C3orf70: variants seen among roughly 807,000 people sequenced by gnomAD.
The protein encoded by C3orf70 is UPF0524 protein C3orf70.
A neutral mutation model predicts 20.7 loss-of-function variants in C3orf70; 15 were observed. That is an observed-to-expected ratio of 0.72 (90% confidence interval 0.48 to 1.11). C3orf70 has a LOEUF of 1.11. C3orf70 is among the 50% of genes most tolerant of loss of function. The pLI is 0.00. For missense variants in C3orf70, 332 were observed against 317.6 expected (o/e 1.05, Z -0.34); for synonymous variants, 161 against 125.7 (o/e 1.28, Z -1.88).
At chr3:185,098,587 C>T (rs1715758164) in intron 1 of C3orf70, among the ~76,000 whole-genome samples, 1 of 152,174 alleles carries the variant, frequency 6.6e-6, no homozygotes, top group South Asian at 2.1e-4. Flanking sequence ...AGGCAGAAAG[C>T]ATCTCCCTTT....
rs114891478 is a variant in C3orf70 at position 185,147,220 on chromosome 3, A to G, written c.196+5408T>C. 5.1e-3 allele frequency among the ~76,000 whole-genome samples: 774 copies of G among 152,088 alleles called. 7 individuals are homozygous for G. Among genetic ancestry groups the G allele is most frequent in the African/African-American group, 0.017 (717 of 41,388 alleles). The stretch of plus-strand genomic sequence containing the variant: ...AACAGAATCTTTTAAGATTTCTTCT[A>G]CAGAAAACTGAGCTTATGTGATATT... On this transcript the variant is annotated intron_variant, in intron 1 of 1. Transcript: ENST00000335012.
intron 1 of C3orf70, among the ~76,000 whole-genome samples, chr3:185,126,078 AAAG>A (rs1293669062): frequency 6.6e-6 from 1 of 152,238 alleles, no homozygotes; most frequent in African/African-American, 2.4e-5. Flanking sequence ...ACTTTTTAAA[AAAG>A]AAAAGGATCA....
intron 1 of C3orf70, among the ~76,000 whole-genome samples, chr3:185,090,448 G>A (rs1715542186): frequency 6.6e-6 from 1 of 152,092 alleles, no homozygotes; most frequent in Admixed American, 6.5e-5. Context: ...GTTGTTAAAT[G>A]TGTGTCCTCC....
intron 1 of C3orf70, among the ~76,000 whole-genome samples, chr3:185,132,066 G>C (rs1256654955): frequency 6.6e-6 from 1 of 152,126 alleles, no homozygotes; most frequent in Non-Finnish European, 1.5e-5. Context: ...CAAGCTATTT[G>C]TTTAGTCTAA....
chr3:185,138,546 C>T (rs983441743), intron 1 of C3orf70, among the ~76,000 whole-genome samples: 7 of 151,916 alleles, frequency 4.6e-5, no homozygotes, highest in African/African-American at 7.3e-5. Flanking sequence ...AATAATTACA[C>T]CTTAATCAAG....
intron 1 of C3orf70, among the ~76,000 whole-genome samples, chr3:185,123,326 TC>T (rs1716344910): frequency 6.6e-6 from 1 of 152,080 alleles, no homozygotes; most frequent in Non-Finnish European, 1.5e-5. Context: ...TTTCTTGAGA[TC>T]TCGGCTCTTT....
chr3:185,104,411 T>C (rs868445265), intron 1 of C3orf70, among the ~76,000 whole-genome samples: 1 of 152,222 alleles, frequency 6.6e-6, no homozygotes, highest in Non-Finnish European at 1.5e-5. Flanking sequence ...TGGAAAACTG[T>C]GTGGCAATTC....
rs1056111290 is a variant in C3orf70 at position 185,080,941 on chromosome 3, G to C, written c.*2066C>G. 1 of 152,126 alleles carries C rather than the reference G, an allele frequency of 6.6e-6. No homozygotes were observed. Among genetic ancestry groups the C allele is most frequent in the African/African-American group, 2.4e-5 (1 of 41,410 alleles). 9.4% of individuals were successfully genotyped at this position (152,126 alleles called of 1,614,324 possible). On this transcript the variant is annotated 3_prime_UTR_variant, in exon 2 of 2. Transcript: ENST00000335012. ...AGCATAGAAAGTTTTAACTCATACT[G>C]TTTGCAAAGGAAAATGTATACTCTG...
intron 1 of C3orf70, among the ~76,000 whole-genome samples, chr3:185,090,773 T>A (rs983479769): frequency 4.6e-5 from 7 of 152,184 alleles, no homozygotes; most frequent in African/African-American, 1.7e-4. Context: ...ATATTTTTTG[T>A]GGCCTGGCCC....
At chr3:185,108,519 C>T (rs1715994446) in intron 1 of C3orf70, among the ~76,000 whole-genome samples, 1 of 152,228 alleles carries the variant, frequency 6.6e-6, no homozygotes, top group South Asian at 2.1e-4. Context: ...TTTTACATCA[C>T]TCACATTAGG....
intron 1 of C3orf70, among the ~76,000 whole-genome samples, chr3:185,090,213 C>T (rs1715537547): frequency 6.6e-6 from 1 of 152,070 alleles, no homozygotes; most frequent in East Asian, 1.9e-4. Context: ...AATTACATAG[C>T]AGATATAATT....
At position 185,152,697 on chromosome 3, in the gene C3orf70, TAGAC is replaced by T. The variant is rs751446765; in HGVS notation, c.123_126del (p.Ile43ValfsTer18). ...TTGCCATGGCTGTGCGTGGCACAGA[TAGAC>T]AGCCCGTCGCACGGCTGGAAGTCGG... On this transcript the variant is annotated frameshift_variant, in exon 1 of 2. Coordinates refer to ENST00000335012, the MANE Select transcript of C3orf70 (RefSeq NM_001025266.3). LOFTEE classifies it high-confidence loss of function. 37 of 1,594,436 alleles carry T rather than the reference TAGAC, an allele frequency of 2.3e-5. No individual in the cohort carries two copies. Among genetic ancestry groups the T allele is most frequent in the Non-Finnish European group, 3.0e-5 (35 of 1,170,904 alleles).
At chr3:185,122,450 G>A (rs781291681) in intron 1 of C3orf70, among the ~76,000 whole-genome samples, 1 of 152,104 alleles carries the variant, frequency 6.6e-6, no homozygotes, top group Non-Finnish European at 1.5e-5. Context: ...CCCTAAAGTC[G>A]AAAGCCCCGA....
In C3orf70 at chr3:185,128,621, T is replaced by C. The variant is rs1464188179; in HGVS notation, c.196+24007A>G. Among the ~76,000 whole-genome samples the C allele has an allele frequency of 3.9e-5, 6 of 152,280 alleles. No individual in the cohort carries two copies. In the South Asian group the frequency reaches 8.3e-4, roughly 21 times the overall value. On this transcript the variant is annotated intron_variant, in intron 1 of 1. Transcript: ENST00000335012. The stretch of plus-strand genomic sequence containing the variant: ...TGAAAATAAATGGATTTGTATCTGA[T>C]TAACCTTGAAGGCTACTTAGTCCAG...
At position 185,082,948 on chromosome 3, in the gene C3orf70, C is replaced by G; in HGVS notation, c.*59G>C. 6.6e-7 allele frequency: 1 copy of G among 1,526,432 alleles called. No homozygotes were observed. The highest frequency in any genetic ancestry group is 1.3e-5 in the South Asian group (1 of 79,304). 94.6% of individuals were successfully genotyped at this position (1,526,432 alleles called of 1,614,324 possible). A position where few individuals can be genotyped will look rare whatever the true frequency, so the allele number is the denominator to read the frequency against. On this transcript the variant is annotated 3_prime_UTR_variant, in exon 2 of 2. Transcript: ENST00000335012. The stretch of plus-strand genomic sequence containing the variant: ...CAACAGCATTGGAAAAAAGGATCCA[C>G]CAGACAAAGGTACAAAAGCTCGGCG...
intron 1 of C3orf70, among the ~76,000 whole-genome samples, chr3:185,126,750 G>A (rs1716419603): frequency 6.6e-6 from 1 of 152,062 alleles, no homozygotes; most frequent in East Asian, 1.9e-4. Context: ...GAAAATGCTG[G>A]CCCCTTGTTC....
chr3:185,091,908 CATACATAT>C (rs1715582851), intron 1 of C3orf70, among the ~76,000 whole-genome samples: 1 of 58,972 alleles, frequency 1.7e-5, no homozygotes, highest in African/African-American at 5.4e-5. Context: ...CACACACACA[CATACATAT>C]ATATATATAT....
chr3:185,086,693 G>A (rs557660387), intron 1 of C3orf70, among the ~76,000 whole-genome samples: 6 of 152,314 alleles, frequency 3.9e-5, no homozygotes, highest in African/African-American at 9.6e-5. Flanking sequence ...GCAGCTGGGT[G>A]AGGAAGATGT....
intron 1 of C3orf70, among the ~76,000 whole-genome samples, chr3:185,141,523 G>C (rs1193431340): frequency 1.3e-5 from 2 of 151,998 alleles, no homozygotes; most frequent in East Asian, 3.8e-4. Flanking sequence ...CCTTCAATAG[G>C]TGAAAAGTTA....
Sources: gnomAD v4.1 joint callset for allele counts (sites outside exome capture counted in the v4.1 genomes callset) on GRCh38, gnomAD v4.1.1 for gene constraint, MANE v1.5 for transcripts, NCBI Gene and HGNC (gene_info 2026-07-23, HGNC 2026-07-21) for gene names.